Variants in TRIP12 observed in about 807,000 individuals in gnomAD.
TRIP12 encodes thyroid hormone receptor interactor 12.
In TRIP12, 25 loss-of-function variants were observed where a neutral mutation model predicts 244.2. The observed-to-expected ratio is 0.10, with a 90% CI of 0.07 to 0.14. The LOEUF (loss-of-function observed/expected upper bound fraction) is 0.14, where lower values mean the gene tolerates loss of function less well. Ranked by LOEUF, TRIP12 falls within the 10% of genes least tolerant of loss-of-function variation. TRIP12 has a pLI of 1.00. For synonymous variants in TRIP12, 905 were observed against 873.1 expected, an observed-to-expected ratio of 1.04 and a Z score of -0.64; for missense variants, 1,677 against 2,486.4, an observed-to-expected ratio of 0.67 and a Z score of 6.92.
intron 1 of TRIP12, among the ~76,000 whole-genome samples, chr2:229,888,765 T>A: frequency 6.6e-6 from 1 of 151,914 alleles, no homozygotes. Flanking sequence ...ATTGCGCCAC[T>A]GCTCTCCAGC....
At chr2:229,867,343 T>A (rs1342730706) in intron 2 of TRIP12, among the ~76,000 whole-genome samples, 5 of 151,988 alleles carry the variant, frequency 3.3e-5, no homozygotes, top group African/African-American at 1.2e-4. Flanking sequence ...TTTTTATATT[T>A]TTAGTAAAGA....
chr2:229,902,297 T>C (rs2071149940), intron 1 of TRIP12, among the ~76,000 whole-genome samples: 1 of 152,078 alleles, frequency 6.6e-6, no homozygotes, highest in African/African-American at 2.4e-5. Context: ...GCAGAATCAC[T>C]TAAACCCAGG....
intron 15 of TRIP12, 30 bp from the exon 16 acceptor site, chr2:229,808,399 G>C: frequency 6.8e-7 from 1 of 1,478,098 alleles, no homozygotes; most frequent in South Asian, 1.1e-5. Flanking sequence ...AAAACAAAAG[G>C]CTATTAAACT....
chr2:229,822,252 CAGAG>C (rs10558724), intron 8 of TRIP12, among the ~76,000 whole-genome samples: 1 of 152,150 alleles, frequency 6.6e-6, no homozygotes, highest in South Asian at 2.1e-4. Flanking sequence ...AACATCTCAA[CAGAG>C]AGAGTAGGCG....
Position 229,767,281 on chromosome 2 carries a change from AG to A in TRIP12, c.*272del. 3.0e-6 allele frequency: 1 copy of A among 330,792 alleles called. No individual in the cohort carries two copies. The highest frequency in any genetic ancestry group is 5.4e-6 in the Non-Finnish European group (1 of 184,306). 20.5% of individuals were successfully genotyped at this position (330,792 alleles called of 1,614,324 possible). Reference sequence around the variant, plus strand: ...CCCTTTTTTAAATTTCACACAGCAAAGCATGTTAAAAACTTCACTCATCAAA... The same window carrying A: ...CCCTTTTTTAAATTTCACACAGCAAACATGTTAAAAACTTCACTCATCAAA... On this transcript the variant is annotated 3_prime_UTR_variant, in exon 42 of 42. Coordinates refer to ENST00000675903, the MANE Select transcript of TRIP12 (RefSeq NM_001348323.3).
At chr2:229,840,708 A>AAAACAAAAC (rs1211946642) in intron 5 of TRIP12, 114 bp downstream of exon 5, 9 of 818,216 alleles carry the variant, frequency 1.1e-5, no homozygotes, top group Non-Finnish European at 1.7e-5. Flanking sequence ...GTCAAAAAAC[A>AAAACAAAAC]AAACAAAACA....
intron 4 of TRIP12, among the ~76,000 whole-genome samples, chr2:229,849,758 A>AG (rs1319762375): frequency 1.3e-5 from 2 of 152,134 alleles, no homozygotes; most frequent in Admixed American, 1.3e-4. Flanking sequence ...CTGTGGTCCC[A>AG]GCTACCCGGG....
At chr2:229,805,948 T>C (rs1204336556) in intron 17 of TRIP12, 65 bp from the exon 18 acceptor site, 2 of 1,306,336 alleles carry the variant, frequency 1.5e-6, no homozygotes, top group Non-Finnish European at 1.0e-6. Context: ...TAAGACACAG[T>C]GGGGACCCTC....
Position 229,805,621 on chromosome 2 carries a change from C to T in TRIP12, c.2650+109G>A, listed in dbSNP as rs994217709. 7 of 1,109,766 alleles carry T rather than the reference C, an allele frequency of 6.3e-6. No homozygotes were observed. In the African/African-American group the frequency reaches 1.1e-4, roughly 17 times the overall value. The allele number at this position is 1,109,766 out of a possible 1,614,324, so 68.7% of individuals were successfully genotyped here. A position where few individuals can be genotyped will look rare whatever the true frequency, so the allele number is the denominator to read the frequency against. ...AATCGAAAACCAAATTATTGTTATGCAATTGTCTTAAGCTTAAAAAGATAC... is the reference window on the plus strand; with the variant it reads ...AATCGAAAACCAAATTATTGTTATGTAATTGTCTTAAGCTTAAAAAGATAC... On this transcript the variant is annotated intron_variant, in intron 18 of 41. Coordinates refer to ENST00000675903, the MANE Select transcript of TRIP12 (RefSeq NM_001348323.3).
intron 5 of TRIP12, among the ~76,000 whole-genome samples, chr2:229,839,213 T>C (rs952465268): frequency 6.6e-6 from 1 of 152,224 alleles, no homozygotes; most frequent in Non-Finnish European, 1.5e-5. Context: ...GTCTACAGTA[T>C]TCTGTAAGGT....
intron 34 of TRIP12, among the ~76,000 whole-genome samples, chr2:229,782,614 A>G (rs2038613769): frequency 6.6e-6 from 1 of 152,198 alleles, no homozygotes; most frequent in African/African-American, 2.4e-5. Context: ...AGTACACAAC[A>G]ACTTATAATT....
chr2:229,903,420 T>C (rs1389117222), intron 1 of TRIP12, among the ~76,000 whole-genome samples: 1 of 152,130 alleles, frequency 6.6e-6, no homozygotes, highest in Non-Finnish European at 1.5e-5. Flanking sequence ...GATGACCAAG[T>C]AAGGCCATCT....
In TRIP12 at chr2:229,836,941, G is replaced by A. The variant is rs899545454; in HGVS notation, c.1177C>T (p.Arg393Cys). 24 of 1,595,414 alleles carry A rather than the reference G, an allele frequency of 1.5e-5. No homozygotes were observed. Among genetic ancestry groups the A allele is most frequent in the Non-Finnish European group, 2.0e-5 (23 of 1,173,710 alleles). The change falls in exon 6 of 42, where the codon CGT becomes TGT. Residue 393 changes from arginine to cysteine, a missense_variant. Arg to Cys is a radical substitution (Grantham distance 180). This residue lies in a region of TRIP12 where 143 missense variants were observed against 215.6 expected (regional missense o/e 0.66). Coordinates refer to ENST00000675903, the MANE Select transcript of TRIP12 (RefSeq NM_001348323.3). Reference sequence around the variant, plus strand: ...GGGTCTGCCATTTTCTCCTGTCGACGAGCTTCAGCTGCTCCTCTTTTGCCC... The same window carrying A: ...GGGTCTGCCATTTTCTCCTGTCGACAAGCTTCAGCTGCTCCTCTTTTGCCC... ...GLGKRGAAEA[R>C]RQEKMADPES...
At chr2:229,869,610 C>T (rs1448536182) in intron 2 of TRIP12, among the ~76,000 whole-genome samples, 2 of 152,174 alleles carry the variant, frequency 1.3e-5, no homozygotes, top group East Asian at 3.8e-4. Context: ...AAACCCTACC[C>T]TACCCTCATT....
chr2:229,891,401 G>A (rs1008861521), intron 1 of TRIP12, among the ~76,000 whole-genome samples: 3 of 152,056 alleles, frequency 2.0e-5, no homozygotes, highest in Non-Finnish European at 4.4e-5. Context: ...CTCTAACCTG[G>A]GCGACAGAGC....
intron 27 of TRIP12, 138 bp downstream of exon 27, chr2:229,792,835 A>G: frequency 1.1e-6 from 1 of 890,972 alleles, no homozygotes; most frequent in Non-Finnish European, 1.6e-6. Context: ...GTAGAAAATA[A>G]AAGACAGGAA....
intron 34 of TRIP12, among the ~76,000 whole-genome samples, chr2:229,780,960 G>A (rs1172431370): frequency 6.6e-6 from 1 of 152,198 alleles, no homozygotes; most frequent in African/African-American, 2.4e-5. Context: ...CCACTAGATG[G>A]TGCTAGTCAA....
intron 1 of TRIP12, among the ~76,000 whole-genome samples, chr2:229,884,577 C>T (rs147408390): frequency 4.6e-5 from 7 of 151,996 alleles, no homozygotes; most frequent in Non-Finnish European, 1.0e-4. Flanking sequence ...TAATATCATA[C>T]GCACACAAAG....
At chr2:229,857,498 G>A (rs1201931005) in intron 4 of TRIP12, among the ~76,000 whole-genome samples, 2 of 152,020 alleles carry the variant, frequency 1.3e-5, no homozygotes, top group African/African-American at 2.4e-5. Context: ...GTGTGATGGC[G>A]CACACTTGTA....
Sources: allele counts gnomAD v4.1 joint callset (sites outside exome capture counted in the v4.1 genomes callset), GRCh38; gene constraint gnomAD v4.1.1; regional missense constraint gnomAD v4.1.1; transcripts MANE v1.5; gene names NCBI Gene and HGNC (gene_info 2026-07-23, HGNC 2026-07-21).